The following SPATS2L variants were observed in gnomAD, a reference collection of about 807,000 sequenced individuals.
SPATS2L encodes the protein spermatogenesis associated serine rich 2 like, also known as SPATS2-like protein.
In SPATS2L, 30 loss-of-function variants were observed where a neutral mutation model predicts 59.6. The ratio of observed to expected loss-of-function variants is 0.50; its 90% confidence interval spans 0.38 to 0.68. The LOEUF (loss-of-function observed/expected upper bound fraction) is 0.68. Among genes scored for constraint, SPATS2L ranks in the 30% least tolerant of loss-of-function variants. The probability of loss-of-function intolerance (pLI) is 0.00; values close to 1 mark genes in which losing one functional copy is unlikely to be tolerated. For missense variants in SPATS2L, 615 were observed against 700.0 expected, an observed-to-expected ratio of 0.88 and a Z score of 1.37; for synonymous variants, 252 against 263.5, an observed-to-expected ratio of 0.96 and a Z score of 0.42.
intron 2 of SPATS2L, among the ~76,000 whole-genome samples, chr2:200,379,525 C>T (rs1359342500): frequency 6.6e-6 from 1 of 152,066 alleles, no homozygotes; most frequent in Non-Finnish European, 1.5e-5. Flanking sequence ...GTAGGAATTG[C>T]CCATAGCTAA....
At chr2:200,331,429 A>C (rs917804332) in intron 2 of SPATS2L, among the ~76,000 whole-genome samples, 3 of 152,230 alleles carry the variant, frequency 2.0e-5, no homozygotes, top group African/African-American at 7.2e-5. Flanking sequence ...ATAAATGTAC[A>C]TAGATGTTTT....
chr2:200,479,669 A>G lies in SPATS2L; in HGVS notation c.*1638A>G, dbSNP rs1574783430. 2.5e-6 allele frequency: 1 copy of G among 398,496 alleles called. No homozygotes were observed. The highest frequency in any genetic ancestry group is 3.6e-5 in the East Asian group (1 of 28,084). 24.7% of individuals were successfully genotyped at this position (398,496 alleles called of 1,614,324 possible). A position where few individuals can be genotyped will look rare whatever the true frequency, so the allele number is the denominator to read the frequency against. On this transcript the variant is annotated 3_prime_UTR_variant, in exon 13 of 13. Transcript: ENST00000409140. ...CGCTTCCGTTGCACTCACATGTCCT[A>G]CATATCTGTTGACTACTCACAAGTG...
chr2:200,402,177 G>A (rs761373639), intron 3 of SPATS2L, among the ~76,000 whole-genome samples: 1 of 152,120 alleles, frequency 6.6e-6, no homozygotes, highest in Non-Finnish European at 1.5e-5. Flanking sequence ...GAATCCATTT[G>A]ATCTCCTCCA....
intron 1 of SPATS2L, among the ~76,000 whole-genome samples, chr2:200,320,532 T>C (rs961017518): frequency 3.3e-5 from 5 of 152,182 alleles, no homozygotes; most frequent in African/African-American, 1.2e-4. Context: ...CATCATGATA[T>C]TCTCATCTCC....
At chr2:200,345,499 G>A (rs1362640577) in intron 2 of SPATS2L, among the ~76,000 whole-genome samples, 1 of 152,050 alleles carries the variant, frequency 6.6e-6, no homozygotes, top group Admixed American at 6.6e-5. Flanking sequence ...ATTTAGCAGA[G>A]ATTATTAGCT....
chr2:200,410,340 A>T (rs919667365), intron 3 of SPATS2L, among the ~76,000 whole-genome samples: 6 of 151,998 alleles, frequency 3.9e-5, no homozygotes, highest in African/African-American at 1.4e-4. Context: ...CCTGGGCTGG[A>T]TGGAGGGATT....
At chr2:200,467,183 T>C in intron 9 of SPATS2L, 107 bp from the exon 10 acceptor site, 1 of 780,720 alleles carries the variant, frequency 1.3e-6, no homozygotes, top group South Asian at 1.7e-5. Flanking sequence ...ACAGTCGTGG[T>C]CCAACAAAGC....
chr2:200,408,890 A>G (rs988086480), intron 3 of SPATS2L, among the ~76,000 whole-genome samples: 1 of 152,280 alleles, frequency 6.6e-6, no homozygotes, highest in East Asian at 1.9e-4. Context: ...TCTAGATAGC[A>G]CATGGACTTT....
At chr2:200,398,961 G>A (rs2082436160) in intron 3 of SPATS2L, among the ~76,000 whole-genome samples, 1 of 152,104 alleles carries the variant, frequency 6.6e-6, no homozygotes, top group South Asian at 2.1e-4. Flanking sequence ...TCCTGTCTTA[G>A]GGATGCTTCG....
At chr2:200,371,983 A>G (rs2081441801) in intron 2 of SPATS2L, 1 of 976,456 alleles carries the variant, frequency 1.0e-6, no homozygotes, top group Non-Finnish European at 1.2e-6. Flanking sequence ...GCCTGCAGGA[A>G]GAAAGGCTCT....
chr2:200,347,120 T>A (rs1179644890), intron 2 of SPATS2L, among the ~76,000 whole-genome samples: 1 of 152,212 alleles, frequency 6.6e-6, no homozygotes. Flanking sequence ...ATATGTCAGA[T>A]AGCTGTCTGT....
At chr2:200,397,781 G>A (rs999886475) in intron 3 of SPATS2L, among the ~76,000 whole-genome samples, 2 of 151,890 alleles carry the variant, frequency 1.3e-5, no homozygotes, top group Admixed American at 6.6e-5. Flanking sequence ...ATGCTTCCTG[G>A]GTCTAGGGCA....
chr2:200,325,710 A>G (rs2079714811), intron 1 of SPATS2L, among the ~76,000 whole-genome samples: 1 of 152,144 alleles, frequency 6.6e-6, no homozygotes, highest in Non-Finnish European at 1.5e-5. Flanking sequence ...AAATAATTGT[A>G]ATGGGAAGGA....
chr2:200,389,410 C>A, intron 3 of SPATS2L, 127 bp downstream of exon 3: 1 of 615,538 alleles, frequency 1.6e-6, no homozygotes, highest in Non-Finnish European at 2.9e-6. Context: ...AAGTTTGCCA[C>A]AACAGTAAAC....
At chr2:200,472,235 C>A (rs1240109229) in intron 11 of SPATS2L, among the ~76,000 whole-genome samples, 1 of 152,200 alleles carries the variant, frequency 6.6e-6, no homozygotes, top group Non-Finnish European at 1.5e-5. Flanking sequence ...ATGAAATATA[C>A]AAGATGCCTT....
chr2:200,385,399 A>G (rs1204804848), intron 2 of SPATS2L, among the ~76,000 whole-genome samples: 1 of 152,230 alleles, frequency 6.6e-6, no homozygotes, highest in East Asian at 1.9e-4. Flanking sequence ...GATGAAATTG[A>G]GCTGACTGGG....
intron 5 of SPATS2L, among the ~76,000 whole-genome samples, chr2:200,418,288 G>T (rs997608979): frequency 3.3e-5 from 5 of 152,146 alleles, no homozygotes; most frequent in African/African-American, 1.2e-4. Flanking sequence ...ATATTCATGG[G>T]ATGGCAGGGC....
At position 200,309,375 on chromosome 2, in the gene SPATS2L, C is replaced by T. The variant is rs576973420; in HGVS notation, c.-73+2453C>T. 3.3e-5 allele frequency among the ~76,000 whole-genome samples: 5 copies of T among 152,330 alleles called. No homozygotes were observed. The South Asian group carries it at 1.0e-3, about 32-fold the overall frequency. Reference sequence around the variant, plus strand: ...TTCGTAAGATCTAAGCTGCTACTACCTGTCCCACTGTATGACAAGAGTGGA... The same window carrying T: ...TTCGTAAGATCTAAGCTGCTACTACTTGTCCCACTGTATGACAAGAGTGGA... On this transcript the variant is annotated intron_variant, in intron 1 of 12. Coordinates refer to ENST00000409140, the MANE Select transcript of SPATS2L (RefSeq NM_001100423.2).
At chr2:200,318,711 A>C (rs541998930) in intron 1 of SPATS2L, among the ~76,000 whole-genome samples, 282 of 152,352 alleles carry the variant, frequency 1.9e-3, no homozygotes, top group Admixed American at 3.1e-3. Context: ...ACATGTGTGT[A>C]CTAGGAGTAT....
Sources: allele counts gnomAD v4.1 joint callset (sites outside exome capture counted in the v4.1 genomes callset), GRCh38; gene constraint gnomAD v4.1.1; transcripts MANE v1.5; gene names NCBI Gene and HGNC (gene_info 2026-07-23, HGNC 2026-07-21).